RBPJ: variants seen among roughly 807,000 people sequenced by gnomAD.
RBPJ encodes the protein recombination signal binding protein for immunoglobulin kappa J region.
RBPJ carries 9 observed loss-of-function variants against 67.8 expected under a neutral mutation model. The ratio of observed to expected loss-of-function variants is 0.13; its 90% CI spans 0.08 to 0.23. The LOEUF (loss-of-function observed/expected upper bound fraction) is 0.23, where lower values mean the gene tolerates loss of function less well. Ranked by LOEUF, RBPJ falls within the 10% of genes least tolerant of loss-of-function variation. RBPJ has a pLI of 1.00. For missense variants in RBPJ, 305 were observed against 595.6 expected, an observed-to-expected ratio of 0.51 and a Z score of 5.08; for synonymous variants, 198 against 203.3, an observed-to-expected ratio of 0.97 and a Z score of 0.22.
chr4:26,391,434 T>C (rs1223187162), intron 2 of RBPJ, among the ~76,000 whole-genome samples: 1 of 152,112 alleles, frequency 6.6e-6, no homozygotes, highest in Non-Finnish European at 1.5e-5. Context: ...TGTAGAACAA[T>C]TGGATATCCA....
At chr4:26,156,491 T>C in the RBPJ span, among the ~76,000 whole-genome samples, 1 of 143,248 alleles carries the variant, frequency 7.0e-6, no homozygotes, top group Non-Finnish European at 1.5e-5. Context: ...CGATCTCAGC[T>C]CACTGCAACC....
chr4:26,313,671 T>TAA (rs752022285), intron 1 of RBPJ, among the ~76,000 whole-genome samples: 1 of 137,646 alleles, frequency 7.3e-6, no homozygotes, highest in Non-Finnish European at 1.6e-5. Context: ...CTCCGTCTCT[T>TAA]AAAAAAAAAA....
chr4:26,329,362 C>G (rs954278068), intron 1 of RBPJ, among the ~76,000 whole-genome samples: 4 of 152,010 alleles, frequency 2.6e-5, no homozygotes, highest in African/African-American at 9.7e-5. Flanking sequence ...TTGGTGGACA[C>G]CATAAGAGAA....
the RBPJ span, among the ~76,000 whole-genome samples, chr4:26,109,501 C>CACACATATAT: frequency 4.1e-5 from 2 of 49,188 alleles, no homozygotes; most frequent in African/African-American, 8.4e-5. Context: ...TACACACACA[C>CACACATATAT]ATATATATAT....
At chr4:26,134,736 C>T in the RBPJ span, among the ~76,000 whole-genome samples, 1 of 152,106 alleles carries the variant, frequency 6.6e-6, no homozygotes, top group South Asian at 2.1e-4. Flanking sequence ...GCAGGTAACT[C>T]GTTGAAGGAG....
intron 1 of RBPJ, among the ~76,000 whole-genome samples, chr4:26,375,148 AC>A (rs963426045): frequency 6.6e-6 from 1 of 152,106 alleles, no homozygotes; most frequent in African/African-American, 2.4e-5. Context: ...GCAAAAAAAT[AC>A]AAAAATTAGG....
chr4:26,398,795 G>C (rs1209591010), intron 2 of RBPJ, among the ~76,000 whole-genome samples: 1 of 152,080 alleles, frequency 6.6e-6, no homozygotes, highest in Non-Finnish European at 1.5e-5. Flanking sequence ...TGTATTTTTA[G>C]TAGAGATGGG....
At chr4:26,391,938 T>A (rs560822608) in intron 2 of RBPJ, among the ~76,000 whole-genome samples, 1 of 152,302 alleles carries the variant, frequency 6.6e-6, no homozygotes, top group African/African-American at 2.4e-5. Context: ...GTGTTTGATG[T>A]CTGTTGGGAG....
chr4:26,131,717 CA>C, the RBPJ span, among the ~76,000 whole-genome samples: 62 of 152,318 alleles, frequency 4.1e-4, no homozygotes, highest in East Asian at 0.011. Context: ...TTGATCAAGA[CA>C]GAATGGTGGC....
chr4:26,358,020 CGTGTGT>C (rs4069724), intron 1 of RBPJ, among the ~76,000 whole-genome samples: 39 of 145,022 alleles, frequency 2.7e-4, no homozygotes, highest in Non-Finnish European at 2.9e-4. Flanking sequence ...AGGGGGTATT[CGTGTGT>C]GTGTGTGTGT....
intron 1 of RBPJ, among the ~76,000 whole-genome samples, chr4:26,350,236 A>C (rs1726658237): frequency 1.3e-5 from 2 of 152,236 alleles, no homozygotes; most frequent in South Asian, 4.1e-4. Flanking sequence ...TGTACTACCA[A>C]CTTTATGGCA....
chr4:26,404,745 T>C (rs1357398260), intron 2 of RBPJ, among the ~76,000 whole-genome samples: 1 of 152,224 alleles, frequency 6.6e-6, no homozygotes, highest in Non-Finnish European at 1.5e-5. Context: ...TGTGGCTGCC[T>C]TACTCCTTAG....
intron 1 of RBPJ, among the ~76,000 whole-genome samples, chr4:26,189,232 T>A (rs2109138441): frequency 6.6e-6 from 1 of 152,144 alleles, no homozygotes; most frequent in African/African-American, 2.4e-5. Flanking sequence ...TAAAAACAAA[T>A]CATAAATAAT....
chr4:26,404,545 G>A (rs1733193947), intron 2 of RBPJ, among the ~76,000 whole-genome samples: 1 of 152,146 alleles, frequency 6.6e-6, no homozygotes, highest in African/African-American at 2.4e-5. Context: ...CACAAAATTT[G>A]TGTGAATTCC....
At chr4:26,381,440 A>T (rs933109153) in intron 1 of RBPJ, among the ~76,000 whole-genome samples, 1 of 152,148 alleles carries the variant, frequency 6.6e-6, no homozygotes, top group Admixed American at 6.5e-5. Flanking sequence ...CTTAAAAAAA[A>T]TCTCATACTT....
At chr4:26,240,175 A>T (rs1165268191) in intron 1 of RBPJ, among the ~76,000 whole-genome samples, 2 of 152,154 alleles carry the variant, frequency 1.3e-5, no homozygotes, top group African/African-American at 2.4e-5. Flanking sequence ...GTGTAACTAT[A>T]CCCCAACATC....
intron 1 of RBPJ, among the ~76,000 whole-genome samples, chr4:26,349,199 C>A (rs1332919225): frequency 2.0e-5 from 3 of 151,976 alleles, no homozygotes; most frequent in Non-Finnish European, 4.4e-5. Flanking sequence ...TCCTGAGTAG[C>A]TGGCACTACA....
intron 1 of RBPJ, among the ~76,000 whole-genome samples, chr4:26,357,706 C>T (rs1727548482): frequency 6.6e-6 from 1 of 152,116 alleles, no homozygotes; most frequent in Non-Finnish European, 1.5e-5. Flanking sequence ...TGAACTGAAA[C>T]TCCTAACCCA....
upstream of RBPJ, chr4:26,320,566 C>T: frequency 1.8e-6 from 1 of 551,394 alleles, no homozygotes; most frequent in Admixed American, 3.6e-5. Flanking sequence ...GGAAAACACC[C>T]ATTGAGGAGG....
Sources: allele counts gnomAD v4.1 joint callset (sites outside exome capture counted in the v4.1 genomes callset), GRCh38; gene constraint gnomAD v4.1.1; transcripts MANE v1.5; gene names NCBI Gene and HGNC (gene_info 2026-07-23, HGNC 2026-07-21).